Variants in ERBB4 observed in about 807,000 individuals in gnomAD.
ERBB4 encodes the protein receptor tyrosine-protein kinase erbB-4.
ERBB4 carries 42 observed loss-of-function variants against 158.0 expected under a neutral mutation model. The observed-to-expected ratio is 0.27, with a 90% CI of 0.21 to 0.34. The LOEUF (loss-of-function observed/expected upper bound fraction) is 0.34, where lower values mean the gene tolerates loss of function less well. ERBB4 is among the 10% of genes least tolerant of loss of function. ERBB4 has a pLI of 1.00. For synonymous variants in ERBB4, 583 were observed against 558.7 expected, an observed-to-expected ratio of 1.04 and a Z score of -0.61; for missense variants, 1,333 against 1,624.1, an observed-to-expected ratio of 0.82 and a Z score of 3.08.
chr2:212,370,912 C>G lies in ERBB4; in HGVS notation c.82+167537G>C, dbSNP rs138076224. Among the ~76,000 whole-genome samples the G allele has an allele frequency of 3.4e-4, 52 of 152,276 alleles. 1 individual carries two copies. The highest frequency in any genetic ancestry group is 3.4e-3 in the Middle Eastern group (1 of 294). On this transcript the variant is annotated intron_variant, in intron 1 of 27. Transcript: ENST00000342788. ...ATTTTATCTGAATAAATTAAAGTCACCTCATACTCAATATATCTAGTACCT... is the reference window on the plus strand; with the variant it reads ...ATTTTATCTGAATAAATTAAAGTCAGCTCATACTCAATATATCTAGTACCT...
intron 19 of ERBB4, among the ~76,000 whole-genome samples, chr2:211,607,453 G>A (rs934994794): frequency 1.3e-5 from 2 of 152,136 alleles, no homozygotes; most frequent in African/African-American, 4.8e-5. Context: ...AATTCAGAGA[G>A]GTTAGATTAA....
intron 3 of ERBB4, among the ~76,000 whole-genome samples, chr2:211,946,885 G>A (rs2080714074): frequency 6.6e-6 from 1 of 151,828 alleles, no homozygotes; most frequent in Non-Finnish European, 1.5e-5. Context: ...CAATCTTAAT[G>A]AGAAAAACCT....
chr2:212,353,190 C>G (rs1317009738), intron 1 of ERBB4, among the ~76,000 whole-genome samples: 1 of 151,760 alleles, frequency 6.6e-6, no homozygotes, highest in Non-Finnish European at 1.5e-5. Flanking sequence ...TGTCCTTAAA[C>G]TTTAATGATT....
chr2:212,420,684 G>A (rs994219967), intron 1 of ERBB4, among the ~76,000 whole-genome samples: 2 of 152,078 alleles, frequency 1.3e-5, no homozygotes, highest in South Asian at 2.1e-4. Flanking sequence ...CTATTCTGAG[G>A]TCCTGCTCTA....
At chr2:212,078,333 A>G (rs1559454867) in intron 2 of ERBB4, among the ~76,000 whole-genome samples, 1 of 151,956 alleles carries the variant, frequency 6.6e-6, no homozygotes, top group Non-Finnish European at 1.5e-5. Context: ...TACGTAAACT[A>G]TACCTCTAGT....
chr2:212,310,091 C>T (rs79389844), intron 1 of ERBB4, among the ~76,000 whole-genome samples: 244 of 150,574 alleles, frequency 1.6e-3, no homozygotes, highest in Non-Finnish European at 2.9e-3. Flanking sequence ...AACTGCCCCT[C>T]AGTTAAAAGT....
At chr2:212,067,616 A>G (rs952388252) in intron 2 of ERBB4, among the ~76,000 whole-genome samples, 1 of 152,038 alleles carries the variant, frequency 6.6e-6, no homozygotes, top group African/African-American at 2.4e-5. Context: ...AGAGTTTACC[A>G]AAAATGTCAG....
intron 25 of ERBB4, among the ~76,000 whole-genome samples, chr2:211,391,736 G>T (rs2062803711): frequency 6.6e-6 from 1 of 152,042 alleles, no homozygotes; most frequent in Non-Finnish European, 1.5e-5. Context: ...ATAAATATTA[G>T]AACCTTTGTC....
chr2:211,904,738 A>T (rs935152257), intron 3 of ERBB4, among the ~76,000 whole-genome samples: 2 of 152,286 alleles, frequency 1.3e-5, no homozygotes, highest in East Asian at 3.9e-4. Context: ...CTAATTTTAC[A>T]GTTAATCACT....
In ERBB4 at chr2:211,768,245, C is replaced by A. The variant is rs567104682; in HGVS notation, c.557-17541G>T. On this transcript the variant is annotated intron_variant, in intron 4 of 27. Coordinates refer to ENST00000342788, the MANE Select transcript of ERBB4 (RefSeq NM_005235.3). ...GCTCTGAAGGCCTTGGGCAGCTCTG[C>A]CCCTGTGGCTCTGCAGGGTACAGCC... Among the ~76,000 whole-genome samples, 542 of 152,304 alleles carry A rather than the reference C, an allele frequency of 3.6e-3. 3 individuals are homozygous for A. The highest frequency in any genetic ancestry group is 0.012 in the African/African-American group (506 of 41,566).
At chr2:211,687,582 C>T (rs201099219) in intron 12 of ERBB4, among the ~76,000 whole-genome samples, 1 of 141,516 alleles carries the variant, frequency 7.1e-6, no homozygotes, top group Non-Finnish European at 1.6e-5. Flanking sequence ...TGGTGTTTGG[C>T]TGGAGTGGAG....
Position 211,690,649 on chromosome 2 carries a change from A to G in ERBB4, c.1489+11318T>C, listed in dbSNP as rs988686002. The stretch of plus-strand genomic sequence containing the variant: ...TCTCTAGAGTGAAACCAAAGGAAGT[A>G]TCTCCACATAGCATAGAACAAAAGG... On this transcript the variant is annotated intron_variant, in intron 12 of 27. Transcript: ENST00000342788. Among the ~76,000 whole-genome samples, 18 of 152,196 alleles carry G rather than the reference A, an allele frequency of 1.2e-4. 1 individual carries two copies. The East Asian group carries it at 3.1e-3, about 26-fold the overall frequency.
chr2:211,923,510 T>G (rs2079928354), intron 3 of ERBB4, among the ~76,000 whole-genome samples: 1 of 152,130 alleles, frequency 6.6e-6, no homozygotes, highest in Non-Finnish European at 1.5e-5. Context: ...TTGCTTATAC[T>G]AGGCAAGACT....
At chr2:212,466,915 A>G (rs1688865880) in intron 1 of ERBB4, among the ~76,000 whole-genome samples, 1 of 152,134 alleles carries the variant, frequency 6.6e-6, no homozygotes, top group Non-Finnish European at 1.5e-5. Flanking sequence ...AATAAAGTTC[A>G]GGCTGAGGTG....
At chr2:212,263,261 TG>T (rs1188678685) in intron 1 of ERBB4, among the ~76,000 whole-genome samples, 1 of 152,114 alleles carries the variant, frequency 6.6e-6, no homozygotes, top group Admixed American at 6.6e-5. Flanking sequence ...TTGGGACTTC[TG>T]GCTTCCAGAA....
At chr2:211,978,096 T>C (rs956119470) in intron 2 of ERBB4, among the ~76,000 whole-genome samples, 1 of 151,466 alleles carries the variant, frequency 6.6e-6, no homozygotes, top group Non-Finnish European at 1.5e-5. Flanking sequence ...AGTAGGCATT[T>C]TGTACAGTGA....
At chr2:211,537,361 T>G (rs906689943) in intron 20 of ERBB4, among the ~76,000 whole-genome samples, 1 of 152,018 alleles carries the variant, frequency 6.6e-6, no homozygotes, top group South Asian at 2.1e-4. Flanking sequence ...TTTCTCAAAA[T>G]AGTAAAAAAG....
intron 20 of ERBB4, among the ~76,000 whole-genome samples, chr2:211,549,433 C>T (rs560997352): frequency 1.8e-4 from 28 of 152,162 alleles, no homozygotes; most frequent in African/African-American, 6.3e-4. Context: ...TACGGTCACA[C>T]TGCACCCACA....
intron 1 of ERBB4, among the ~76,000 whole-genome samples, chr2:212,498,835 G>A (rs1347340033): frequency 6.6e-6 from 1 of 151,790 alleles, no homozygotes; most frequent in African/African-American, 2.4e-5. Flanking sequence ...GTCTAATGAA[G>A]GAGAAGTATA....
Sources: allele counts gnomAD v4.1 joint callset (sites outside exome capture counted in the v4.1 genomes callset), GRCh38; gene constraint gnomAD v4.1.1; transcripts MANE v1.5; gene names NCBI Gene and HGNC (gene_info 2026-07-23, HGNC 2026-07-21).